The following EXPH5 variants were observed in gnomAD, a reference collection of about 807,000 sequenced individuals.
The protein encoded by EXPH5 is exophilin 5, also known as exophilin-5.
EXPH5 carries 42 observed loss-of-function variants against 41.1 expected under a neutral mutation model. The observed-to-expected ratio is 1.02, with a 90% CI of 0.80 to 1.32. The LOEUF is 1.32. Ranked by LOEUF, EXPH5 falls within the 40% of genes most tolerant of loss-of-function variation. The pLI, the probability that EXPH5 is intolerant of heterozygous loss-of-function variation, is 0.00. For synonymous variants in EXPH5, 798 were observed against 833.5 expected (o/e 0.96, Z 0.73); for missense variants, 2,298 against 2,314.5 (o/e 0.99, Z 0.15).
intron 3 of EXPH5, among the ~76,000 whole-genome samples, chr11:108,537,579 C>T (rs1319786526): frequency 2.0e-5 from 3 of 152,266 alleles, no homozygotes; most frequent in Admixed American, 6.5e-5. Context: ...CAGAATGTTG[C>T]AAGAGTTTTA....
In EXPH5 at chr11:108,511,114, T is replaced by C; in HGVS notation, c.4393A>G (p.Lys1465Glu). ...PFTGSGKCPQ[K>E]DHTSTAVGDG... ...CCTACAGCTGTGGATGTGTGATCTTTCTGGGGACACTTGCCACTTCCAGTA... is the reference window on the plus strand; with the variant it reads ...CCTACAGCTGTGGATGTGTGATCTTCCTGGGGACACTTGCCACTTCCAGTA... The change falls in exon 6 of 6, where the codon AAA becomes GAA. Residue 1465 changes from lysine (K) to glutamate (E), a missense_variant. Transcript: ENST00000265843. 1 of 1,614,054 alleles carries C rather than the reference T, an allele frequency of 6.2e-7. No individual in the cohort carries two copies. The highest frequency in any genetic ancestry group is 8.5e-7 in the Non-Finnish European group (1 of 1,179,958).
At chr11:108,591,849 A>G (rs1473095933) in intron 1 of EXPH5, among the ~76,000 whole-genome samples, 1 of 152,202 alleles carries the variant, frequency 6.6e-6, no homozygotes, top group Admixed American at 6.5e-5. Flanking sequence ...AAAAGTCAAG[A>G]TAACATCTTA....
rs561080312 is a variant in EXPH5, at chr11:108,567,393, T to C, written c.120-25581A>G. Among the ~76,000 whole-genome samples the C allele has an allele frequency of 9.8e-5, 15 of 152,354 alleles. No individual in the cohort carries two copies. In the South Asian group the frequency reaches 1.7e-3, roughly 17 times the overall value. On this transcript the variant is annotated intron_variant, in intron 1 of 5. Coordinates refer to ENST00000265843, the MANE Select transcript of EXPH5 (RefSeq NM_015065.3). ...TCATTCTCCTTTACCTACCTCCCAC[T>C]TATCCACCTGCCACTTCAATGCCAG...
chr11:108,566,727 T>A (rs59309427), intron 1 of EXPH5, among the ~76,000 whole-genome samples: 29,205 of 152,142 alleles, frequency 0.19, 3,566 homozygotes, highest in African/African-American at 0.35. Flanking sequence ...CCAGCCCCTC[T>A]GAAATTCTCT....
At chr11:108,606,288 G>A in the EXPH5 span, among the ~76,000 whole-genome samples, 3 of 152,140 alleles carry the variant, frequency 2.0e-5, no homozygotes, top group Non-Finnish European at 4.4e-5. Context: ...GTCCCTGTCA[G>A]GCATGCCTGC....
In EXPH5 at chr11:108,564,212, C is replaced by A. The variant is rs576602759; in HGVS notation, c.120-22400G>T. 7.9e-5 allele frequency among the ~76,000 whole-genome samples: 12 copies of A among 152,156 alleles called. No homozygotes were observed. In the South Asian group the frequency reaches 2.5e-3, roughly 32 times the overall value. On this transcript the variant is annotated intron_variant, in intron 1 of 5. Coordinates refer to ENST00000265843, the MANE Select transcript of EXPH5 (RefSeq NM_015065.3). ...CTGAGGCAGGAGAATCGCTTGAACC[C>A]AGGAGGCAGAGGTTGCAGTGAGCTG...
chr11:108,537,283 A>C (rs1360355520), intron 3 of EXPH5, among the ~76,000 whole-genome samples: 2 of 152,230 alleles, frequency 1.3e-5, no homozygotes, highest in Admixed American at 6.5e-5. Context: ...CATCTTCTGA[A>C]ACCTCTTAGG....
At chr11:108,601,988 A>G in the EXPH5 span, among the ~76,000 whole-genome samples, 1 of 152,148 alleles carries the variant, frequency 6.6e-6, no homozygotes, top group African/African-American at 2.4e-5. Context: ...GAATGAAGCA[A>G]TCCGCCCACC....
chr11:108,583,679 ATAAAAAT>A (rs887785582), intron 1 of EXPH5, among the ~76,000 whole-genome samples: 3 of 150,340 alleles, frequency 2.0e-5, no homozygotes, highest in African/African-American at 7.4e-5. Flanking sequence ...TAACAAAAAA[ATAAAAAT>A]AAAAAAGTCA....
At chr11:108,598,215 C>A (rs746738341), upstream of EXPH5, among the ~76,000 whole-genome samples, 12 of 152,124 alleles carry the variant, frequency 7.9e-5, no homozygotes, top group Admixed American at 2.0e-4. Context: ...GTACAAATGT[C>A]CTCAAATTGG....
At chr11:108,575,961 C>T (rs1404505276) in intron 1 of EXPH5, among the ~76,000 whole-genome samples, 1 of 152,008 alleles carries the variant, frequency 6.6e-6, no homozygotes, top group African/African-American at 2.4e-5. Context: ...GACTCCGTAT[C>T]AAAATAAATT....
rs373135998 is a variant in EXPH5, at chr11:108,512,380, C to T, written c.3127G>A (p.Ala1043Thr). The T allele has an allele frequency of 2.4e-5, 38 of 1,609,392 alleles. No individual in the cohort carries two copies. In the African/African-American group the frequency reaches 4.7e-4, roughly 20 times the overall value. ...GRQSGSKIMA[A>T]SLRNGPPPFQ... is the part of the protein sequence containing the mutation. ...GGAGGTGGCCCATTCCTCAATGAAG[C>T]AGCCATTATTTTACTTCCTGACTGC... The change falls in exon 6 of 6, where the codon GCT (alanine) becomes ACT (threonine). Residue 1043 changes from alanine to threonine, a missense_variant. Physicochemically the swap from Ala to Thr is moderately conservative, Grantham distance 58. Coordinates refer to ENST00000265843, the MANE Select transcript of EXPH5 (RefSeq NM_015065.3).
At chr11:108,555,021 T>G (rs1309481713) in intron 1 of EXPH5, among the ~76,000 whole-genome samples, 1 of 152,220 alleles carries the variant, frequency 6.6e-6, no homozygotes, top group African/African-American at 2.4e-5. Context: ...GCCCAACAGA[T>G]CCACTCCCAG....
rs766836128 is a variant in EXPH5 at position 108,510,411 on chromosome 11, T to G, written c.5096A>C (p.His1699Pro). 2.7e-5 allele frequency: 44 copies of G among 1,613,910 alleles called. No homozygotes were observed. The highest frequency in any genetic ancestry group is 2.5e-6 in the Non-Finnish European group (3 of 1,180,012). The change falls in exon 6 of 6, where the codon CAT becomes CCT. Residue 1699 changes from histidine (H) to proline (P), a missense_variant. Transcript: ENST00000265843. The part of the protein sequence containing the change: ...NQKSNSISQR[H>P]QNEFKNVSES... ...TGAGACGTTTTTAAACTCATTCTGA[T>G]GTCGTTGTGAAATGCTGTTAGACTT... is the stretch of plus-strand genomic sequence containing the variant.
chr11:108,558,754 T>C (rs536454017), intron 1 of EXPH5, among the ~76,000 whole-genome samples: 1 of 152,216 alleles, frequency 6.6e-6, no homozygotes, highest in Non-Finnish European at 1.5e-5. Flanking sequence ...CTGAAGGTGA[T>C]GGGAACCTGC....
chr11:108,560,038 A>G (rs1027423987), intron 1 of EXPH5, among the ~76,000 whole-genome samples: 3 of 152,152 alleles, frequency 2.0e-5, no homozygotes, highest in African/African-American at 7.2e-5. Flanking sequence ...CTACCCACAC[A>G]CACTAGTCAA....
intron 1 of EXPH5, among the ~76,000 whole-genome samples, chr11:108,543,763 G>T (rs1009294786): frequency 6.6e-5 from 10 of 152,198 alleles, no homozygotes; most frequent in Non-Finnish European, 1.2e-4. Context: ...ACCCTGCCCA[G>T]ACTTGCATTT....
intron 1 of EXPH5, among the ~76,000 whole-genome samples, chr11:108,560,873 T>G (rs994737190): frequency 2.0e-5 from 3 of 152,256 alleles, no homozygotes; most frequent in Non-Finnish European, 4.4e-5. Context: ...ACTATCATTT[T>G]AACTTTCAGA....
chr11:108,532,828 G>T (rs2093852301), intron 3 of EXPH5, among the ~76,000 whole-genome samples: 1 of 152,086 alleles, frequency 6.6e-6, no homozygotes, highest in Non-Finnish European at 1.5e-5. Context: ...CATACTTGAA[G>T]AATCACTAGA....
Sources: allele counts gnomAD v4.1 joint callset (sites outside exome capture counted in the v4.1 genomes callset), GRCh38; gene constraint gnomAD v4.1.1; transcripts MANE v1.5; gene names NCBI Gene and HGNC (gene_info 2026-07-23, HGNC 2026-07-21).